METTL15: variants seen among roughly 807,000 people sequenced by gnomAD.
METTL15 encodes the protein 12S rRNA N(4)-cytidine methyltransferase METTL15.
In METTL15, 34 loss-of-function variants were observed where a neutral mutation model predicts 38.3. The ratio of observed to expected loss-of-function variants is 0.89; its 90% CI spans 0.68 to 1.18. The LOEUF is 1.18. Among genes scored for constraint, METTL15 ranks in the 50% most tolerant of loss-of-function variants. The probability of loss-of-function intolerance (pLI) is 0.00; values close to 1 mark genes in which losing one functional copy is unlikely to be tolerated. For missense variants in METTL15, 438 were observed against 498.4 expected (o/e 0.88, Z 1.15); for synonymous variants, 162 against 170.9 (o/e 0.95, Z 0.41).
chr11:28,287,986 C>T (rs913823066), intron 4 of METTL15, among the ~76,000 whole-genome samples: 6 of 152,050 alleles, frequency 3.9e-5, no homozygotes, highest in East Asian at 1.9e-4. Flanking sequence ...TTCTTCCCTT[C>T]GGCTGGGAGG....
At chr11:28,199,989 C>T (rs1381653333) in intron 3 of METTL15, among the ~76,000 whole-genome samples, 1 of 152,074 alleles carries the variant, frequency 6.6e-6, no homozygotes, top group African/African-American at 2.4e-5. Context: ...GGTGATCCAC[C>T]TGCCTCGGCC....
intron 6 of METTL15, among the ~76,000 whole-genome samples, chr11:28,435,890 T>G (rs1850978104): frequency 6.6e-6 from 1 of 152,236 alleles, no homozygotes; most frequent in African/African-American, 2.4e-5. Context: ...AAATTTGTTT[T>G]GAGAGTTATA....
intron 6 of METTL15, among the ~76,000 whole-genome samples, chr11:28,323,915 A>G (rs1282263538): frequency 6.6e-6 from 1 of 152,210 alleles, no homozygotes; most frequent in Non-Finnish European, 1.5e-5. Flanking sequence ...GCTAGGGTCA[A>G]TCCCTTATGC....
chr11:28,425,901 C>T (rs1274603948), intron 6 of METTL15, among the ~76,000 whole-genome samples: 2 of 152,086 alleles, frequency 1.3e-5, no homozygotes, highest in African/African-American at 4.8e-5. Context: ...ATCTGTATTC[C>T]AGCTTCACTA....
intron 5 of METTL15, among the ~76,000 whole-genome samples, chr11:28,377,939 C>T (rs1040092220): frequency 1.3e-5 from 2 of 152,154 alleles, no homozygotes; most frequent in Admixed American, 6.5e-5. Flanking sequence ...TGTGTCCCTG[C>T]TGGAGGGTGC....
At chr11:28,392,986 GA>G (rs1200989529) in intron 5 of METTL15, among the ~76,000 whole-genome samples, 3 of 151,176 alleles carry the variant, frequency 2.0e-5, no homozygotes, top group African/African-American at 7.3e-5. Context: ...TGACAACGGG[GA>G]AAAAAAAGAA....
intron 3 of METTL15, among the ~76,000 whole-genome samples, chr11:28,159,736 A>G (rs900869514): frequency 1.3e-5 from 2 of 152,114 alleles, no homozygotes; most frequent in Non-Finnish European, 2.9e-5. Flanking sequence ...ACTTTATGTA[A>G]TAGTATTTGG....
rs143014420 is a variant in METTL15 at position 28,340,763 on chromosome 11, C to T, written c.*190-11327C>T. 1.2e-4 allele frequency among the ~76,000 whole-genome samples: 19 copies of T among 152,250 alleles called. No individual in the cohort carries two copies. The South Asian group carries it at 3.1e-3, about 25-fold the overall frequency. ...TCAACTATTGTGGAAGACAGTGTTG[C>T]GATTCCCCAAGGATCTAGAACCAGA... On this transcript the variant is annotated intron_variant and NMD_transcript_variant, in intron 3 of 7. Transcript: ENST00000532947.
intron 3 of METTL15, among the ~76,000 whole-genome samples, chr11:28,162,224 G>A (rs1850491535): frequency 6.6e-6 from 1 of 152,194 alleles, no homozygotes; most frequent in Non-Finnish European, 1.5e-5. Flanking sequence ...TCTTCCAAAG[G>A]AAGGATTTTT....
At chr11:28,387,227 G>A (rs1048353959) in intron 5 of METTL15, among the ~76,000 whole-genome samples, 2 of 151,578 alleles carry the variant, frequency 1.3e-5, no homozygotes, top group African/African-American at 4.8e-5. Flanking sequence ...AAATAAAATA[G>A]ACAATATAAA....
At chr11:28,518,779 C>T (rs1475738881) in intron 6 of METTL15, among the ~76,000 whole-genome samples, 1 of 152,114 alleles carries the variant, frequency 6.6e-6, no homozygotes, top group Non-Finnish European at 1.5e-5. Context: ...ATCAGAAGCC[C>T]CCCAGAAGGG....
chr11:28,217,671 C>T (rs757271548), intron 4 of METTL15, among the ~76,000 whole-genome samples: 3 of 152,084 alleles, frequency 2.0e-5, no homozygotes, highest in Non-Finnish European at 2.9e-5. Flanking sequence ...AGGTTTTCTT[C>T]TAGGGTTTTT....
chr11:28,213,856 C>T (rs920910648), intron 4 of METTL15, among the ~76,000 whole-genome samples: 4 of 151,444 alleles, frequency 2.6e-5, no homozygotes, highest in Non-Finnish European at 4.4e-5. Flanking sequence ...GGGGTTTCAC[C>T]GTGTTAGCCA....
At chr11:28,408,323 C>T (rs533801903) in intron 5 of METTL15, among the ~76,000 whole-genome samples, 3 of 152,106 alleles carry the variant, frequency 2.0e-5, no homozygotes, top group Non-Finnish European at 2.9e-5. Context: ...AATATAATTA[C>T]ATCACATTAA....
At chr11:28,287,582 T>C in intron 4 of METTL15, 1 of 276,396 alleles carries the variant, frequency 3.6e-6, no homozygotes, top group South Asian at 4.3e-5. Context: ...TCTGGCATTG[T>C]TGATGCTCTT....
At chr11:28,486,503 A>G (rs1008026759) in intron 6 of METTL15, among the ~76,000 whole-genome samples, 1 of 151,678 alleles carries the variant, frequency 6.6e-6, no homozygotes, top group Non-Finnish European at 1.5e-5. Flanking sequence ...ATGATTTTCT[A>G]CTGTCTGTGC....
At chr11:28,463,113 A>C (rs979993563) in intron 6 of METTL15, among the ~76,000 whole-genome samples, 5 of 152,156 alleles carry the variant, frequency 3.3e-5, no homozygotes, top group African/African-American at 1.2e-4. Flanking sequence ...TTTAGGGTGA[A>C]GATGTATCAC....
At chr11:28,232,901 G>A (rs1455555471) in intron 4 of METTL15, among the ~76,000 whole-genome samples, 1 of 151,944 alleles carries the variant, frequency 6.6e-6, no homozygotes, top group African/African-American at 2.4e-5. Context: ...ATCTAACAGG[G>A]CTTGACCCAT....
At chr11:28,522,908 T>G (rs899526111) in intron 6 of METTL15, among the ~76,000 whole-genome samples, 1 of 152,232 alleles carries the variant, frequency 6.6e-6, no homozygotes, top group African/African-American at 2.4e-5. Context: ...ACTTTTACAT[T>G]ATTTTATTCA....
Sources: allele counts gnomAD v4.1 joint callset (sites outside exome capture counted in the v4.1 genomes callset), GRCh38; gene constraint gnomAD v4.1.1; transcripts MANE v1.5; gene names NCBI Gene and HGNC (gene_info 2026-07-23, HGNC 2026-07-21).